The following NRG3 variants were observed in gnomAD, a reference collection of about 807,000 sequenced individuals.
The protein encoded by NRG3 is pro-neuregulin-3, membrane-bound isoform.
A neutral mutation model predicts 66.9 loss-of-function variants in NRG3; 31 were observed. That is an observed-to-expected ratio of 0.46 (90% CI 0.35 to 0.63). The LOEUF is 0.63. Ranked by LOEUF, NRG3 falls within the 20% of genes least tolerant of loss-of-function variation. NRG3 has a pLI of 0.00. For missense variants in NRG3, 910 were observed against 878.9 expected (o/e 1.04, Z -0.45); for synonymous variants, 393 against 359.4 (o/e 1.09, Z -1.06).
intron 1 of NRG3, among the ~76,000 whole-genome samples, chr10:82,088,761 T>C (rs1484872717): frequency 6.6e-6 from 1 of 152,122 alleles, no homozygotes; most frequent in East Asian, 1.9e-4. Flanking sequence ...TGTACTCGAC[T>C]TTTCCCCAAT....
chr10:81,953,380 C>G lies in NRG3; in HGVS notation c.823+77217C>G, dbSNP rs543116089. On this transcript the variant is annotated intron_variant, in intron 1 of 8. Transcript: ENST00000372141. ...ATCTCAGTGGAAATAGACCTAACACCCCAGAGAATCTTATAACTTGGTTCT... is the reference window on the plus strand; with the variant it reads ...ATCTCAGTGGAAATAGACCTAACACGCCAGAGAATCTTATAACTTGGTTCT... Among the ~76,000 whole-genome samples the G allele has an allele frequency of 4.6e-5, 7 of 152,166 alleles. No individual in the cohort carries two copies. In the South Asian group the frequency reaches 1.5e-3, roughly 32 times the overall value.
intron 1 of NRG3, among the ~76,000 whole-genome samples, chr10:82,003,413 G>C (rs2133699184): frequency 6.6e-6 from 1 of 152,298 alleles, no homozygotes; most frequent in South Asian, 2.1e-4. Context: ...ATCTAGGATA[G>C]AATACAGATT....
chr10:82,058,712 A>G (rs2063974907), intron 1 of NRG3, among the ~76,000 whole-genome samples: 1 of 151,974 alleles, frequency 6.6e-6, no homozygotes, highest in Admixed American at 6.6e-5. Context: ...CTAAGGAAAC[A>G]TGGAAGGTCA....
intron 2 of NRG3, among the ~76,000 whole-genome samples, chr10:82,598,077 G>T (rs1185821253): frequency 6.6e-6 from 1 of 152,154 alleles, no homozygotes; most frequent in Non-Finnish European, 1.5e-5. Flanking sequence ...AGTGGTCTGA[G>T]TCATTGTGAT....
rs535206491 is a variant in NRG3, at chr10:82,391,072, T to C, written c.953+32204T>C. ...ACAAGGACATTTTTTAGCTTTTGGC[T>C]CAAGTGACAAAGATTTTCCTTTCAA... On this transcript the variant is annotated intron_variant, in intron 2 of 8. Transcript: ENST00000372141. Among the ~76,000 whole-genome samples, 118 of 152,306 alleles carry C rather than the reference T, an allele frequency of 7.7e-4. 1 individual carries two copies. The highest frequency in any genetic ancestry group is 2.8e-3 in the African/African-American group (115 of 41,566).
At chr10:82,193,558 T>G (rs1320629962) in intron 1 of NRG3, among the ~76,000 whole-genome samples, 1 of 152,146 alleles carries the variant, frequency 6.6e-6, no homozygotes, top group East Asian at 1.9e-4. Context: ...GGGTAGAAGT[T>G]TCTGGTTGCT....
At chr10:82,118,215 C>CAA (rs2067849991) in intron 1 of NRG3, among the ~76,000 whole-genome samples, 1 of 133,284 alleles carries the variant, frequency 7.5e-6, no homozygotes, top group African/African-American at 3.3e-5. Flanking sequence ...AGTAAGGACT[C>CAA]TAAAAAAAAA....
intron 6 of NRG3, 49 bp from the exon 7 acceptor site, chr10:82,973,739 C>T (rs1230524745): frequency 6.2e-7 from 1 of 1,609,544 alleles, no homozygotes; most frequent in Non-Finnish European, 8.5e-7. Flanking sequence ...GTTATAGGCC[C>T]TCCATAATGT....
intron 1 of NRG3, among the ~76,000 whole-genome samples, chr10:82,262,574 T>G (rs1211880787): frequency 6.6e-6 from 1 of 152,232 alleles, no homozygotes; most frequent in Non-Finnish European, 1.5e-5. Flanking sequence ...TGCTCTGTTC[T>G]CAGGGTTCAG....
intron 1 of NRG3, among the ~76,000 whole-genome samples, chr10:82,069,186 G>A (rs2064660880): frequency 6.6e-6 from 1 of 152,174 alleles, no homozygotes; most frequent in Non-Finnish European, 1.5e-5. Context: ...CTACTAGGGT[G>A]CAGATGGATT....
chr10:81,886,447 T>G (rs961050006), intron 1 of NRG3, among the ~76,000 whole-genome samples: 3 of 152,172 alleles, frequency 2.0e-5, no homozygotes, highest in African/African-American at 7.2e-5. Context: ...AAAAAGTGCT[T>G]CTTCTACTTG....
At chr10:82,113,112 A>G (rs149413326) in intron 1 of NRG3, among the ~76,000 whole-genome samples, 5 of 152,170 alleles carry the variant, frequency 3.3e-5, no homozygotes, top group Non-Finnish European at 1.5e-5. Context: ...TAATGTAGGG[A>G]TTGTAAGGCA....
chr10:82,674,430 T>TTTTAATCTCTCATTTAC lies in NRG3; in HGVS notation c.954-64132_954-64116dup, dbSNP rs1199205209. Reference sequence around the variant, plus strand: ...AACTCTTAGTTCATCTGGCCTATCTTTTTAATCTCTCATTTACTTTAATCT... The same window carrying TTTTAATCTCTCATTTAC: ...AACTCTTAGTTCATCTGGCCTATCTTTTTAATCTCTCATTTACTTTAATCTCTCATTTACTTTAATCT... On this transcript the variant is annotated intron_variant, in intron 2 of 8. Transcript: ENST00000372141. Among the ~76,000 whole-genome samples the TTTTAATCTCTCATTTAC allele has an allele frequency of 7.2e-4, 110 of 152,316 alleles. 1 individual carries two copies. The highest frequency in any genetic ancestry group is 3.4e-3 in the Middle Eastern group (1 of 294).
chr10:82,334,267 GAC>G (rs2082280626), intron 1 of NRG3, among the ~76,000 whole-genome samples: 1 of 152,278 alleles, frequency 6.6e-6, no homozygotes, highest in African/African-American at 2.4e-5. Context: ...ATTCTCAATG[GAC>G]ATTTACATTC....
At chr10:81,918,539 G>T (rs58826043) in intron 1 of NRG3, among the ~76,000 whole-genome samples, 2,878 of 152,208 alleles carry the variant, frequency 0.019, 78 homozygotes, top group African/African-American at 0.063. Context: ...ATTTATAAAT[G>T]ATATTTTATA....
intron 4 of NRG3, among the ~76,000 whole-genome samples, chr10:82,939,562 C>T (rs1848403473): frequency 6.6e-6 from 1 of 151,834 alleles, no homozygotes; most frequent in Non-Finnish European, 1.5e-5. Context: ...CTCCGCCTCC[C>T]GGGTTCACGC....
At position 82,921,122 on chromosome 10, in the gene NRG3, G is replaced by A. The variant is rs78042388; in HGVS notation, c.1055-30347G>A. Among the ~76,000 whole-genome samples the A allele has an allele frequency of 1.7e-3, 257 of 151,678 alleles. 2 individuals are homozygous for A. The highest frequency in any genetic ancestry group is 5.9e-3 in the African/African-American group (244 of 41,376). Reference sequence around the variant, plus strand: ...AGCACATGTCAAGTAAGGTGATCAAGGTTAATATCAACAGTGATAAGTCAT... The same window carrying A: ...AGCACATGTCAAGTAAGGTGATCAAAGTTAATATCAACAGTGATAAGTCAT... On this transcript the variant is annotated intron_variant, in intron 4 of 8. Transcript: ENST00000372141.
At chr10:82,586,846 G>A (rs1468004505) in intron 2 of NRG3, among the ~76,000 whole-genome samples, 1 of 152,088 alleles carries the variant, frequency 6.6e-6, no homozygotes, top group Non-Finnish European at 1.5e-5. Context: ...CAATTTTAAT[G>A]ATTTTGAATG....
intron 2 of NRG3, among the ~76,000 whole-genome samples, chr10:82,669,712 A>C (rs572182556): frequency 6.6e-6 from 1 of 152,230 alleles, no homozygotes; most frequent in Non-Finnish European, 1.5e-5. Flanking sequence ...GTGGATCACG[A>C]GGTCAGGAGA....
Sources: gnomAD v4.1 joint callset for allele counts (sites outside exome capture counted in the v4.1 genomes callset) on GRCh38, gnomAD v4.1.1 for gene constraint, MANE v1.5 for transcripts, NCBI Gene and HGNC (gene_info 2026-07-23, HGNC 2026-07-21) for gene names.